Variants in SLC25A43 observed in about 807,000 individuals in gnomAD.
SLC25A43 encodes solute carrier family 25, member 43.
A neutral mutation model predicts 22.8 loss-of-function variants in SLC25A43; 10 were observed. The ratio of observed to expected loss-of-function variants is 0.44; its 90% CI spans 0.27 to 0.74. SLC25A43 has a LOEUF of 0.74. Ranked by LOEUF, SLC25A43 falls within the 30% of genes least tolerant of loss-of-function variation. The probability of loss-of-function intolerance (pLI) is 0.17; values close to 1 mark genes in which losing one functional copy is unlikely to be tolerated. For missense variants in SLC25A43, 233 were observed against 279.1 expected (o/e 0.83, Z 1.18); for synonymous variants, 106 against 121.6 (o/e 0.87, Z 0.84).
At chrX:119,446,217 G>C (rs1256375275) in intron 3 of SLC25A43, among the ~76,000 whole-genome samples, 1 of 104,263 alleles carries the variant, frequency 9.6e-6, no homozygotes, top group Non-Finnish European at 2.0e-5. Flanking sequence ...GTAAAATCGA[G>C]TTTTCACACT....
In SLC25A43 at chrX:119,402,379, T is replaced by C. The variant is rs887227739; in HGVS notation, c.275+2701T>C. On this transcript the variant is annotated intron_variant, in intron 1 of 4. Coordinates refer to ENST00000217909, the MANE Select transcript of SLC25A43 (RefSeq NM_145305.3). The stretch of plus-strand genomic sequence containing the variant: ...GATCAAGAGTCCACTCAGTAGTCTG[T>C]TGGGAGCTAGGTTATTGTAATGGGT... Among the ~76,000 whole-genome samples the C allele has an allele frequency of 6.3e-5, 7 of 111,612 alleles. 1 individual carries two copies. Among genetic ancestry groups the C allele is most frequent in the African/African-American group, 2.3e-4 (7 of 30,692 alleles).
At chrX:119,426,779 C>T (rs957987469) in intron 3 of SLC25A43, among the ~76,000 whole-genome samples, 7 of 106,304 alleles carry the variant, frequency 6.6e-5, no homozygotes, top group Non-Finnish European at 1.4e-4. Flanking sequence ...GCCGAGATTG[C>T]ACCACTCCAG....
intron 1 of SLC25A43, among the ~76,000 whole-genome samples, chrX:119,405,877 C>T (rs1459391292): frequency 9.1e-6 from 1 of 109,992 alleles, no homozygotes; most frequent in African/African-American, 3.3e-5. Context: ...ACTAAAACTA[C>T]AAAAATTAGC....
At chrX:119,437,177 C>G (rs1482735113) in intron 3 of SLC25A43, among the ~76,000 whole-genome samples, 1 of 27,114 alleles carries the variant, frequency 3.7e-5, no homozygotes, top group Non-Finnish European at 6.8e-5. Flanking sequence ...TGAAGAGGTC[C>G]TTCACATCCC....
At chrX:119,435,170 T>C (rs5910583) in intron 3 of SLC25A43, among the ~76,000 whole-genome samples, 2 of 109,304 alleles carry the variant, frequency 1.8e-5, no homozygotes, top group African/African-American at 6.7e-5. Flanking sequence ...AAGAAAAAAA[T>C]CGGTGGGCAG....
chrX:119,420,716 A>G (rs1349421085), intron 3 of SLC25A43, among the ~76,000 whole-genome samples: 1 of 112,095 alleles, frequency 8.9e-6, no homozygotes, highest in Non-Finnish European at 1.9e-5. Flanking sequence ...GGCCCTTTAT[A>G]TAAGAAGTTA....
chrX:119,416,166 A>G (rs2052399170), intron 3 of SLC25A43, among the ~76,000 whole-genome samples: 1 of 110,461 alleles, frequency 9.1e-6, no homozygotes, highest in Non-Finnish European at 1.9e-5. Context: ...CTAAATGTTT[A>G]TATCTATTCT....
At chrX:119,443,735 T>C (rs2052642549) in intron 3 of SLC25A43, among the ~76,000 whole-genome samples, 2 of 104,359 alleles carry the variant, frequency 1.9e-5, no homozygotes, top group South Asian at 7.9e-4. Context: ...TATTTATTTA[T>C]TTATTTATTT....
chrX:119,426,092 C>A, intron 3 of SLC25A43: 1 of 277,566 alleles, frequency 3.6e-6, no homozygotes, highest in Non-Finnish European at 4.9e-6. Context: ...GAGAAAGGTC[C>A]CAGGAAAGGT....
At chrX:119,451,946 T>C in intron 3 of SLC25A43, 63 bp from the exon 4 acceptor site, 12 of 1,204,042 alleles carry the variant, frequency 1.0e-5, no homozygotes, top group Non-Finnish European at 1.3e-5. Flanking sequence ...CCTGGCTCCT[T>C]CCACTAGGAC....
chrX:119,411,658 AGTTATATCT>A (rs1223419945), intron 3 of SLC25A43, among the ~76,000 whole-genome samples: 3 of 111,743 alleles, frequency 2.7e-5, no homozygotes, highest in African/African-American at 9.8e-5. Flanking sequence ...GGTGGGTAAC[AGTTATATCT>A]GTACAGTGGG....
At chrX:119,445,038 CAAAAAAA>C (rs780253357) in intron 3 of SLC25A43, among the ~76,000 whole-genome samples, 7 of 35,535 alleles carry the variant, frequency 2.0e-4, no homozygotes, top group East Asian at 1.5e-3. Context: ...ACCCTGTCTC[CAAAAAAA>C]AAAAAAAAAA....
intron 3 of SLC25A43, among the ~76,000 whole-genome samples, chrX:119,451,169 A>G (rs1043090387): frequency 1.8e-5 from 2 of 111,350 alleles, no homozygotes; most frequent in African/African-American, 6.5e-5. Context: ...TGTCGCAAAA[A>G]AAATAATAAT....
chrX:119,447,267 A>G (rs1357586564), intron 3 of SLC25A43, among the ~76,000 whole-genome samples: 1 of 110,201 alleles, frequency 9.1e-6, no homozygotes, highest in African/African-American at 3.3e-5. Context: ...TTCTCTCTTG[A>G]GTCCATTCCA....
intron 2 of SLC25A43, among the ~76,000 whole-genome samples, chrX:119,408,548 T>C (rs1013284684): frequency 8.9e-6 from 1 of 111,990 alleles, no homozygotes; most frequent in African/African-American, 3.2e-5. Flanking sequence ...TCCCAGCACC[T>C]GACATAGGGC....
chrX:119,423,133 T>G (rs1236940028), intron 3 of SLC25A43: 1 of 111,442 alleles, frequency 9.0e-6, no homozygotes, highest in African/African-American at 3.3e-5. Context: ...CATCCCAAAT[T>G]TGATTGTGGA....
At chrX:119,410,918 GA>G (rs2052344934) in intron 3 of SLC25A43, among the ~76,000 whole-genome samples, 1 of 106,119 alleles carries the variant, frequency 9.4e-6, no homozygotes, top group African/African-American at 3.5e-5. Context: ...AAGAAAGAAA[GA>G]AAAAAAAGAA....
chrX:119,444,501 C>T (rs12389071), intron 3 of SLC25A43, among the ~76,000 whole-genome samples: 48,508 of 103,602 alleles, frequency 0.47, 8,488 homozygotes, highest in East Asian at 0.55. Flanking sequence ...GTCGAGAGAT[C>T]GAGATCACCC....
At chrX:119,434,783 C>T in intron 3 of SLC25A43, 1 of 106,135 alleles carries the variant, frequency 9.4e-6, no homozygotes. Flanking sequence ...CCTGTGTTGC[C>T]CACTCCAGCT....
Sources: gnomAD v4.1 joint callset for allele counts (sites outside exome capture counted in the v4.1 genomes callset) on GRCh38, gnomAD v4.1.1 for gene constraint, MANE v1.5 for transcripts, NCBI Gene and HGNC (gene_info 2026-07-23, HGNC 2026-07-21) for gene names.